RAP1GAP2: variants seen among roughly 807,000 people sequenced by gnomAD.
RAP1GAP2 encodes the protein RAP1 GTPase activating protein 2.
A neutral mutation model predicts 95.0 loss-of-function variants in RAP1GAP2; 27 were observed. The ratio of observed to expected loss-of-function variants is 0.28; its 90% CI spans 0.21 to 0.39. RAP1GAP2 has a LOEUF of 0.39. Ranked by LOEUF, RAP1GAP2 falls within the 10% of genes least tolerant of loss-of-function variation. The pLI is 1.00. For missense variants in RAP1GAP2, 771 were observed against 970.0 expected (o/e 0.79, Z 2.72); for synonymous variants, 373 against 380.9 (o/e 0.98, Z 0.24).
chr17:2,802,061 A>T (rs1179301053), intron 2 of RAP1GAP2, among the ~76,000 whole-genome samples: 1 of 152,184 alleles, frequency 6.6e-6, no homozygotes, highest in Non-Finnish European at 1.5e-5. Flanking sequence ...TCTAGCTCAA[A>T]ATATTCTCCC....
chr17:2,985,621 T>C (rs1042639275), intron 11 of RAP1GAP2, among the ~76,000 whole-genome samples: 22 of 152,224 alleles, frequency 1.4e-4, no homozygotes, highest in African/African-American at 5.3e-4. Context: ...ACTCAAAATA[T>C]GCCAGCACAC....
chr17:3,002,649 G>A (rs2151597963), intron 14 of RAP1GAP2, among the ~76,000 whole-genome samples: 1 of 152,334 alleles, frequency 6.6e-6, no homozygotes, highest in South Asian at 2.1e-4. Flanking sequence ...CCTCCACTGG[G>A]GAGGGTGAGC....
chr17:3,016,225 G>A (rs147167062), intron 17 of RAP1GAP2, among the ~76,000 whole-genome samples: 11 of 152,314 alleles, frequency 7.2e-5, no homozygotes, highest in African/African-American at 2.6e-4. Context: ...CTGCTGACAT[G>A]TTAAATCTTT....
In RAP1GAP2 at chr17:2,902,142, C is replaced by T. The variant is rs2042044091; in HGVS notation, c.81-3142C>T. Reference sequence around the variant, plus strand: ...GCAAGCCTCAGCATGCGTTGGCTTGCAGCCGCATCACTCCTGTGTCTGCCT... The same window carrying T: ...GCAAGCCTCAGCATGCGTTGGCTTGTAGCCGCATCACTCCTGTGTCTGCCT... On this transcript the variant is annotated intron_variant, in intron 2 of 24. Transcript: ENST00000254695. This position sits in a 1 kb window ranked among gnomAD's most constrained non-coding sequence, Gnocchi z 4.1. 6.6e-6 allele frequency among the ~76,000 whole-genome samples: 1 copy of T among 152,202 alleles called. No individual in the cohort carries two copies. The highest frequency in any genetic ancestry group is 6.5e-5 in the Admixed American group (1 of 15,288).
chr17:2,898,230 C>T (rs1407565441), intron 2 of RAP1GAP2, among the ~76,000 whole-genome samples: 15 of 152,164 alleles, frequency 9.9e-5, no homozygotes, highest in Admixed American at 9.2e-4. Flanking sequence ...AGTTTTGAAT[C>T]ACCAAAGGTC....
rs2042098753 is a variant in RAP1GAP2, at chr17:2,903,684, G to A, written c.81-1600G>A. Among the ~76,000 whole-genome samples the A allele has an allele frequency of 6.6e-6, 1 of 152,248 alleles. No individual in the cohort carries two copies. ...CAGGGATTGCCAGGTTCAGGTTAAT[G>A]GGGTGGAATGGATTCTCTGCCAAGC... On this transcript the variant is annotated intron_variant, in intron 2 of 24. Transcript: ENST00000254695. The surrounding 1 kb of genome is among the most constrained non-coding windows in gnomAD (Gnocchi z 4.1).
intron 3 of RAP1GAP2, among the ~76,000 whole-genome samples, chr17:2,911,111 A>G (rs977734954): frequency 2.0e-5 from 3 of 152,106 alleles, no homozygotes; most frequent in East Asian, 3.9e-4. Flanking sequence ...TGGCTCTCCC[A>G]CTGGGAAGGG....
chr17:2,932,457 G>T (rs546656208), intron 3 of RAP1GAP2, among the ~76,000 whole-genome samples: 21 of 152,038 alleles, frequency 1.4e-4, no homozygotes, highest in African/African-American at 5.1e-4. Context: ...TGTTCGGTAT[G>T]TGGTGTGTGT....
chr17:3,011,357 G>A (rs2046536624), intron 17 of RAP1GAP2, among the ~76,000 whole-genome samples: 1 of 152,220 alleles, frequency 6.6e-6, no homozygotes, highest in African/African-American at 2.4e-5. Context: ...CAGCCGAATG[G>A]AGCCCTGGGG....
Position 2,761,147 on chromosome 17 carries a change from G to T in RAP1GAP2, c.50+5380G>T, listed in dbSNP as rs1222938292. Among the ~76,000 whole-genome samples, 6 of 151,380 alleles carry T rather than the reference G, an allele frequency of 4.0e-5. No homozygotes were observed. The Admixed American group carries it at 4.0e-4, about 10-fold the overall frequency. The stretch of plus-strand genomic sequence containing the variant: ...TTTTTGTATGTTTAGTAGGGTTGAG[G>T]TTTCACCTTGTTGGCCAGGCTGGTC... On this transcript the variant is annotated intron_variant, in intron 1 of 25. Transcript: ENST00000637138.
Position 2,830,345 on chromosome 17 carries a change from C to T in RAP1GAP2, c.80+29795C>T, listed in dbSNP as rs369428930. 1.2e-3 allele frequency among the ~76,000 whole-genome samples: 175 copies of T among 152,134 alleles called. 1 individual carries two copies. The highest frequency in any genetic ancestry group is 4.0e-3 in the African/African-American group (165 of 41,494). ...AGGAGAATAGCTTGAACCCATGAGGCGGAGGTTGCAGTGAGCCGAGGAGAT... is the reference window on the plus strand; with the variant it reads ...AGGAGAATAGCTTGAACCCATGAGGTGGAGGTTGCAGTGAGCCGAGGAGAT... On this transcript the variant is annotated intron_variant, in intron 2 of 24. Coordinates refer to ENST00000254695, the MANE Select transcript of RAP1GAP2 (RefSeq NM_015085.5).
chr17:2,881,913 C>T (rs984787828), intron 2 of RAP1GAP2, among the ~76,000 whole-genome samples: 9 of 151,950 alleles, frequency 5.9e-5, no homozygotes, highest in African/African-American at 2.2e-4. Flanking sequence ...CTCTGTCTCC[C>T]GGGTTCACGC....
intron 2 of RAP1GAP2, among the ~76,000 whole-genome samples, chr17:2,816,236 G>T (rs8075081): frequency 0.19 from 27,836 of 145,056 alleles, 2,888 homozygotes; most frequent in South Asian, 0.33. Flanking sequence ...GTTTTGTTTT[G>T]TTTTTTTTTT....
At chr17:2,862,088 C>T (rs1041689788) in intron 2 of RAP1GAP2, among the ~76,000 whole-genome samples, 1 of 152,126 alleles carries the variant, frequency 6.6e-6, no homozygotes, top group African/African-American at 2.4e-5. Context: ...CCGTGTGTAG[C>T]TCTGTCATTA....
chr17:2,850,613 G>T (rs1182549178), intron 2 of RAP1GAP2, among the ~76,000 whole-genome samples: 1 of 150,592 alleles, frequency 6.6e-6, no homozygotes, highest in Non-Finnish European at 1.5e-5. Flanking sequence ...AGCCGGGCAT[G>T]GTGGCGGGCG....
Position 2,903,549 on chromosome 17 carries a change from G to A in RAP1GAP2, c.81-1735G>A, listed in dbSNP as rs2042092691. ...TATCTCAGCCCTGCTGGTTTCTTGA[G>A]CCAGTTACAGCCTGGATCAGGCGGG... On this transcript the variant is annotated intron_variant, in intron 2 of 24. Transcript: ENST00000254695. The surrounding 1 kb of genome is among the most constrained non-coding windows in gnomAD (Gnocchi z 4.1). Among the ~76,000 whole-genome samples, 1 of 152,228 alleles carries A rather than the reference G, an allele frequency of 6.6e-6. No individual in the cohort carries two copies. The highest frequency in any genetic ancestry group is 1.5e-5 in the Non-Finnish European group (1 of 68,048).
At chr17:2,898,760 G>C (rs1317239145) in intron 2 of RAP1GAP2, among the ~76,000 whole-genome samples, 1 of 152,060 alleles carries the variant, frequency 6.6e-6, no homozygotes, top group Admixed American at 6.5e-5. Flanking sequence ...GCAACAAGGC[G>C]ACCAGCCATG....
intron 2 of RAP1GAP2, among the ~76,000 whole-genome samples, chr17:2,884,506 G>C (rs1342602477): frequency 6.6e-6 from 1 of 151,520 alleles, no homozygotes; most frequent in Non-Finnish European, 1.5e-5. Flanking sequence ...CCAAGTAGCT[G>C]GGACTACAGG....
At chr17:2,769,327 G>C (rs1377626616) in intron 1 of RAP1GAP2, among the ~76,000 whole-genome samples, 1 of 148,486 alleles carries the variant, frequency 6.7e-6, no homozygotes, top group South Asian at 2.1e-4. Flanking sequence ...AGGCCGAGGC[G>C]GGCGGATCAC....
Sources: allele counts gnomAD v4.1 joint callset (sites outside exome capture counted in the v4.1 genomes callset), GRCh38; gene constraint gnomAD v4.1.1; non-coding constraint Gnocchi (gnomAD v3.1); transcripts MANE v1.5; gene names NCBI Gene and HGNC (gene_info 2026-07-23, HGNC 2026-07-21).